The following UBXN4 variants were observed in gnomAD, a reference collection of about 807,000 sequenced individuals.
The protein encoded by UBXN4 is UBX domain-containing protein 4.
UBXN4 carries 35 observed loss-of-function variants against 66.2 expected under a neutral mutation model. The observed-to-expected ratio is 0.53, with a 90% CI of 0.40 to 0.70. The LOEUF is 0.70. Ranked by LOEUF, UBXN4 falls within the 30% of genes least tolerant of loss-of-function variation. UBXN4 has a pLI of 0.00. For missense variants in UBXN4, 533 were observed against 599.8 expected (o/e 0.89, Z 1.16); for synonymous variants, 203 against 204.5 (o/e 0.99, Z 0.06).
chr2:135,755,785 T>A, intron 5 of UBXN4, 94 bp downstream of exon 5: 1 of 828,156 alleles, frequency 1.2e-6, no homozygotes, highest in Non-Finnish European at 1.5e-6. Flanking sequence ...ATTGTATGTA[T>A]TTTTCTTCAC....
chr2:135,760,880 C>T (rs777572059), intron 5 of UBXN4, among the ~76,000 whole-genome samples: 2 of 152,142 alleles, frequency 1.3e-5, no homozygotes, highest in Non-Finnish European at 2.9e-5. Context: ...TTCAAGCTAC[C>T]TAGGTTATGC....
At chr2:135,765,998 C>CA (rs1216002746) in intron 6 of UBXN4, among the ~76,000 whole-genome samples, 5 of 152,030 alleles carry the variant, frequency 3.3e-5, no homozygotes, top group African/African-American at 1.2e-4. Flanking sequence ...ACTAAAAATA[C>CA]AAAAATTACC....
At chr2:135,766,778 CTAATATA>C (rs1456696873) in intron 6 of UBXN4, among the ~76,000 whole-genome samples, 7 of 152,060 alleles carry the variant, frequency 4.6e-5, no homozygotes, top group African/African-American at 1.7e-4. Flanking sequence ...TTTTCATTTT[CTAATATA>C]TAAGTTGTCT....
chr2:135,743,243 G>T (rs1208477990), intron 1 of UBXN4, among the ~76,000 whole-genome samples: 2 of 152,100 alleles, frequency 1.3e-5, no homozygotes, highest in African/African-American at 4.8e-5. Flanking sequence ...CAAGTTTTTA[G>T]CTCAATGCTG....
intron 6 of UBXN4, among the ~76,000 whole-genome samples, chr2:135,769,397 G>GT (rs60241067): frequency 0.21 from 31,500 of 147,214 alleles, 3,742 homozygotes; most frequent in Middle Eastern, 0.55. Context: ...ATTTTTACAG[G>GT]TTTTTTTTTT....
chr2:135,763,150 T>G (rs1051004920), intron 6 of UBXN4, among the ~76,000 whole-genome samples: 14 of 152,254 alleles, frequency 9.2e-5, no homozygotes, highest in Non-Finnish European at 1.0e-4. Flanking sequence ...TGGAATCTGA[T>G]TCATTGACAA....
intron 5 of UBXN4, 125 bp downstream of exon 5, chr2:135,755,816 A>G: frequency 1.6e-6 from 1 of 626,128 alleles, no homozygotes; most frequent in South Asian, 7.7e-5. Flanking sequence ...CTTAAAATTT[A>G]AGAGTCATAT....
At chr2:135,747,329 C>T in intron 1 of UBXN4, among the ~76,000 whole-genome samples, 1 of 102,990 alleles carries the variant, frequency 9.7e-6, no homozygotes, top group South Asian at 3.3e-4. Flanking sequence ...ACCTGAGCGA[C>T]AAGAGTGAAA....
chr2:135,760,491 G>A (rs2077308613), intron 5 of UBXN4, among the ~76,000 whole-genome samples: 1 of 152,046 alleles, frequency 6.6e-6, no homozygotes, highest in Non-Finnish European at 1.5e-5. Flanking sequence ...AATACCAAAG[G>A]CAGAGAACTC....
chr2:135,746,716 GAGGAATAGAAGGA>G (rs1343912722), intron 1 of UBXN4, among the ~76,000 whole-genome samples: 1 of 152,096 alleles, frequency 6.6e-6, no homozygotes, highest in Admixed American at 6.6e-5. Context: ...TTTCATATTT[GAGGAATAGAAGGA>G]AAAAGAATAG....
chr2:135,770,733 T>C lies in UBXN4; in HGVS notation c.820T>C (p.Leu274=), dbSNP rs1393643969. 1.3e-6 allele frequency: 2 copies of C among 1,504,980 alleles called. No individual in the cohort carries two copies. Among genetic ancestry groups the C allele is most frequent in the Non-Finnish European group, 1.8e-6 (2 of 1,132,926 alleles). The allele number at this position is 1,504,980 out of a possible 1,614,324, so 93.2% of individuals were successfully genotyped here. A position where few individuals can be genotyped will look rare whatever the true frequency, so the allele number is the denominator to read the frequency against. Residue 274 remains leucine, a splice_region_variant and synonymous_variant, in exon 8 of 13, where the codon TTG becomes CTG. Coordinates refer to ENST00000272638, the MANE Select transcript of UBXN4 (RefSeq NM_014607.4). ...ARERIKQQIA[L]DRAERAARFA... Reference sequence around the variant, plus strand: ...AGAACGTATAAAACAGCAGATTGCATTGGTAAGTCTTAAGTTTCCAGACAT... The same window carrying C: ...AGAACGTATAAAACAGCAGATTGCACTGGTAAGTCTTAAGTTTCCAGACAT...
At chr2:135,749,541 A>G (rs1429783477) in intron 2 of UBXN4, among the ~76,000 whole-genome samples, 1 of 152,074 alleles carries the variant, frequency 6.6e-6, no homozygotes, top group Non-Finnish European at 1.5e-5. Flanking sequence ...CTATACCTCC[A>G]CCCATTTCCA....
chr2:135,778,174 C>CA (rs570595581), intron 10 of UBXN4, among the ~76,000 whole-genome samples: 8,959 of 71,588 alleles, frequency 0.13, 827 homozygotes, highest in African/African-American at 0.3. Context: ...AAGACTGTCT[C>CA]AAAAAAAAAA....
At chr2:135,770,861 T>G in intron 8 of UBXN4, 126 bp downstream of exon 8, 1 of 941,576 alleles carries the variant, frequency 1.1e-6, no homozygotes, top group Non-Finnish European at 1.4e-6. Flanking sequence ...CTGAGCTTCC[T>G]TTTATTAGAA....
At chr2:135,742,691 C>CTGAT (rs1196158845) in intron 1 of UBXN4, 1 of 152,186 alleles carries the variant, frequency 6.6e-6, no homozygotes, top group African/African-American at 2.4e-5. Context: ...GAGAAACCAC[C>CTGAT]TGATGTTCAC....
intron 6 of UBXN4, among the ~76,000 whole-genome samples, chr2:135,764,620 A>G (rs992290142): frequency 5.9e-5 from 9 of 151,546 alleles, no homozygotes; most frequent in African/African-American, 2.2e-4. Flanking sequence ...CTCCTGCCTC[A>G]GCCTCCCAAG....
chr2:135,753,523 T>C lies in UBXN4; in HGVS notation c.186-16T>C. The C allele has an allele frequency of 1.3e-6, 2 of 1,521,620 alleles. No homozygotes were observed. The highest frequency in any genetic ancestry group is 5.1e-5 in the East Asian group (2 of 39,484). The allele number at this position is 1,521,620 out of a possible 1,614,324, so 94.3% of individuals were successfully genotyped here. A position where few individuals can be genotyped will look rare whatever the true frequency, so the allele number is the denominator to read the frequency against. ...CTTGCATTCATCTAGTGATTTTGTT[T>C]GATTTTGTTTTACAGTGAAGCCTGC... is the stretch of plus-strand genomic sequence containing the variant. On this transcript the variant is annotated splice_polypyrimidine_tract_variant and intron_variant, in intron 2 of 12. Transcript: ENST00000272638.
In UBXN4 at chr2:135,784,523, G is replaced by A. The variant is rs1296084758; in HGVS notation, c.*1636G>A. 1 of 152,270 alleles carries A rather than the reference G, an allele frequency of 6.6e-6. No homozygotes were observed. The highest frequency in any genetic ancestry group is 2.4e-5 in the African/African-American group (1 of 41,384). The allele number at this position is 152,270 out of a possible 1,614,324, so 9.4% of individuals were successfully genotyped here. A position where few individuals can be genotyped will look rare whatever the true frequency, so the allele number is the denominator to read the frequency against. On this transcript the variant is annotated 3_prime_UTR_variant, in exon 13 of 13. Coordinates refer to ENST00000272638, the MANE Select transcript of UBXN4 (RefSeq NM_014607.4). ...TAAGATTGGTTTATGTGATTTTAGT[G>A]GTATTTTTGGCACCCTTATATATGT...
At chr2:135,747,201 A>G (rs2077212557) in intron 1 of UBXN4, among the ~76,000 whole-genome samples, 1 of 151,800 alleles carries the variant, frequency 6.6e-6, no homozygotes, top group Non-Finnish European at 1.5e-5. Flanking sequence ...CAAAAAAATT[A>G]GCTGGGCGTG....
Sources: gnomAD v4.1 joint callset for allele counts (sites outside exome capture counted in the v4.1 genomes callset) on GRCh38, gnomAD v4.1.1 for gene constraint, MANE v1.5 for transcripts, NCBI Gene and HGNC (gene_info 2026-07-23, HGNC 2026-07-21) for gene names.